GHR: variants seen among roughly 807,000 people sequenced by gnomAD.
GHR encodes the protein GH receptor.
In GHR, 35 loss-of-function variants were observed where a neutral mutation model predicts 67.1. The observed-to-expected ratio is 0.52, with a 90% CI of 0.40 to 0.69. The LOEUF (loss-of-function observed/expected upper bound fraction) is 0.69, where lower values mean the gene tolerates loss of function less well. Ranked by LOEUF, GHR falls within the 30% of genes least tolerant of loss-of-function variation. The pLI is 0.00. For missense variants in GHR, 792 were observed against 764.6 expected (o/e 1.04, Z -0.42); for synonymous variants, 272 against 269.1 (o/e 1.01, Z -0.10).
Position 42,626,396 on chromosome 5 carries a change from A to G in GHR, c.71-2642A>G, listed in dbSNP as rs1290995571. 1.3e-5 allele frequency among the ~76,000 whole-genome samples: 2 copies of G among 152,188 alleles called. 1 individual carries two copies. Among genetic ancestry groups the G allele is most frequent in the African/African-American group, 4.8e-5 (2 of 41,450 alleles). On this transcript the variant is annotated intron_variant, in intron 2 of 9. Transcript: ENST00000230882. ...TTGCTTACATGTACCAGCTTATTAG[A>G]AAGGATATTACAAAGGACACAGATG...
intron 1 of GHR, among the ~76,000 whole-genome samples, chr5:42,448,026 T>C (rs1167322259): frequency 1.3e-5 from 2 of 152,008 alleles, no homozygotes; most frequent in Non-Finnish European, 2.9e-5. Flanking sequence ...TCTCCCAAAG[T>C]GTTGGGATTA....
Position 42,467,567 on chromosome 5 carries a change from A to C in GHR, c.-12+43612A>C, listed in dbSNP as rs1024274728. Reference sequence around the variant, plus strand: ...CTACGCCTAAAGGTTTTTTCTAAGGAGAGGTTTTTTTGATATACAGTCAGA... The same window carrying C: ...CTACGCCTAAAGGTTTTTTCTAAGGCGAGGTTTTTTTGATATACAGTCAGA... On this transcript the variant is annotated intron_variant, in intron 1 of 9. Transcript: ENST00000230882. 8 of 1,552,636 alleles carry C rather than the reference A, an allele frequency of 5.2e-6. No homozygotes were observed. In the African/African-American group the frequency reaches 9.6e-5, roughly 19 times the overall value.
In GHR at chr5:42,670,878, A is replaced by ATAT. The variant is rs565509422; in HGVS notation, c.137-18012_137-18011insTAT. The stretch of plus-strand genomic sequence containing the variant: ...AAAAGCAAAAATTAAAAAAAAAAAA[A>ATAT]AAATATATATATATATATAGGCAAC... On this transcript the variant is annotated intron_variant, in intron 3 of 9. Coordinates refer to ENST00000230882, the MANE Select transcript of GHR (RefSeq NM_000163.5). Among the ~76,000 whole-genome samples the ATAT allele has an allele frequency of 5.5e-3, 489 of 88,336 alleles. 6 individuals carry two copies. The East Asian group carries it at 0.074, about 13-fold the overall frequency. The allele number at this position is 88,336 out of a possible 152,430, so 58.0% of individuals were successfully genotyped here. A position where few individuals can be genotyped will look rare whatever the true frequency, so the allele number is the denominator to read the frequency against.
At chr5:42,690,625 A>G (rs1757378683) in intron 4 of GHR, among the ~76,000 whole-genome samples, 1 of 152,174 alleles carries the variant, frequency 6.6e-6, no homozygotes, top group Non-Finnish European at 1.5e-5. Context: ...TTTAATGCAG[A>G]GCTGCTGCTT....
At chr5:42,501,806 C>T (rs1746552054) in intron 1 of GHR, among the ~76,000 whole-genome samples, 1 of 152,130 alleles carries the variant, frequency 6.6e-6, no homozygotes, top group Non-Finnish European at 1.5e-5. Flanking sequence ...AAAAAGTGCC[C>T]TAGAGATGGA....
At chr5:42,651,151 A>C (rs1423086407) in intron 3 of GHR, among the ~76,000 whole-genome samples, 2 of 152,178 alleles carry the variant, frequency 1.3e-5, no homozygotes, top group African/African-American at 4.8e-5. Context: ...TCAGGATTTG[A>C]TGCCAAAGAA....
intron 2 of GHR, among the ~76,000 whole-genome samples, chr5:42,609,341 G>A (rs1752778323): frequency 1.3e-5 from 2 of 152,150 alleles, no homozygotes; most frequent in Admixed American, 1.3e-4. Flanking sequence ...ATCTGTAATG[G>A]CCAACTTCCT....
At chr5:42,514,352 C>T in intron 1 of GHR, 1 of 978,856 alleles carries the variant, frequency 1.0e-6, no homozygotes, top group Non-Finnish European at 1.2e-6. Flanking sequence ...AGCCTTGCTC[C>T]TCTGATAACC....
chr5:42,710,930 A>G (rs757117859), intron 6 of GHR, among the ~76,000 whole-genome samples: 1 of 152,172 alleles, frequency 6.6e-6, no homozygotes, highest in Non-Finnish European at 1.5e-5. Context: ...CTTATTAACT[A>G]TCTGGAAGAC....
intron 1 of GHR, among the ~76,000 whole-genome samples, chr5:42,537,414 C>G (rs1438030640): frequency 6.6e-6 from 1 of 152,104 alleles, no homozygotes; most frequent in Non-Finnish European, 1.5e-5. Flanking sequence ...TCATTTTTGA[C>G]CCAATACTCA....
At chr5:42,670,885 A>G (rs886508786) in intron 3 of GHR, among the ~76,000 whole-genome samples, 4 of 145,978 alleles carry the variant, frequency 2.7e-5, no homozygotes, top group Admixed American at 2.7e-4. Context: ...AAAAAAATAT[A>G]TATATATATA....
chr5:42,504,408 C>A (rs1284767190), intron 1 of GHR, among the ~76,000 whole-genome samples: 1 of 152,154 alleles, frequency 6.6e-6, no homozygotes, highest in Non-Finnish European at 1.5e-5. Flanking sequence ...GTTGCCTTCA[C>A]ATCCCTCATA....
chr5:42,628,577 T>C lies in GHR; in HGVS notation c.71-461T>C. On this transcript the variant is annotated intron_variant, in intron 2 of 9. Transcript: ENST00000230882. ...TGCAGGTCATAGTTTGGTTCAGAGA[T>C]TCTTTAATCTGCAGTTGGTTAAAGG... 1.5e-5 allele frequency among the ~76,000 whole-genome samples: 2 copies of C among 131,810 alleles called. 1 individual carries two copies. Among genetic ancestry groups the C allele is most frequent in the Non-Finnish European group, 3.2e-5 (2 of 62,324 alleles). The allele number at this position is 131,810 out of a possible 152,430, so 86.5% of individuals were successfully genotyped here. A position where few individuals can be genotyped will look rare whatever the true frequency, so the allele number is the denominator to read the frequency against.
chr5:42,703,978 A>T (rs1031075435), intron 6 of GHR, among the ~76,000 whole-genome samples: 2 of 151,918 alleles, frequency 1.3e-5, no homozygotes, highest in African/African-American at 2.4e-5. Context: ...AAATCATGTC[A>T]TCTGTAAGCA....
In GHR at chr5:42,554,941, C is replaced by A. The variant is rs75614646; in HGVS notation, c.-11-10923C>A. On this transcript the variant is annotated intron_variant, in intron 1 of 9. Transcript: ENST00000230882. ...GTGGCTCACATTATATTTCTGTTAG[C>A]ACTTTTCTAGGGAGTATTTTCTATT... is the stretch of plus-strand genomic sequence containing the variant. Among the ~76,000 whole-genome samples, 1,850 of 152,190 alleles carry A rather than the reference C, an allele frequency of 0.012. 79 individuals are homozygous for A. In the East Asian group the frequency reaches 0.14, roughly 12 times the overall value.
intron 3 of GHR, among the ~76,000 whole-genome samples, chr5:42,651,447 C>T (rs1020531944): frequency 2.6e-5 from 4 of 152,150 alleles, no homozygotes; most frequent in Non-Finnish European, 5.9e-5. Flanking sequence ...TTCAAAGGAG[C>T]AGTCCAGGGG....
In GHR at chr5:42,595,688, G is replaced by A. The variant is rs72754944; in HGVS notation, c.70+29744G>A. Among the ~76,000 whole-genome samples the A allele has an allele frequency of 3.1e-3, 468 of 152,358 alleles. 3 individuals are homozygous for A. Among genetic ancestry groups the A allele is most frequent in the Middle Eastern group, 0.01 (3 of 294 alleles). The stretch of plus-strand genomic sequence containing the variant: ...GGACTGCTTGAGTACCTGGAGTGGT[G>A]CAGACCAAGCAGGGTAACTGTATCA... On this transcript the variant is annotated intron_variant, in intron 2 of 9. Coordinates refer to ENST00000230882, the MANE Select transcript of GHR (RefSeq NM_000163.5).
chr5:42,520,617 T>A (rs1419100205), intron 1 of GHR, among the ~76,000 whole-genome samples: 1 of 152,172 alleles, frequency 6.6e-6, no homozygotes, highest in Admixed American at 6.5e-5. Flanking sequence ...TAAGACCTCT[T>A]GATGCTTTTA....
chr5:42,611,111 A>G (rs80302840), intron 2 of GHR, among the ~76,000 whole-genome samples: 3,175 of 152,280 alleles, frequency 0.021, 48 homozygotes, highest in Non-Finnish European at 0.033. Context: ...TGTGTGTCCC[A>G]ACTATTATAT....
Sources: allele counts gnomAD v4.1 joint callset (sites outside exome capture counted in the v4.1 genomes callset), GRCh38; gene constraint gnomAD v4.1.1; transcripts MANE v1.5; gene names NCBI Gene and HGNC (gene_info 2026-07-23, HGNC 2026-07-21).